ATP6V0A4: variants seen among roughly 807,000 people sequenced by gnomAD.
ATP6V0A4 encodes ATPase H+ transporting V0 subunit a4.
Under a neutral mutation model 107.3 loss-of-function variants are expected in ATP6V0A4, and 86 were observed. The ratio of observed to expected loss-of-function variants is 0.80; its 90% CI spans 0.67 to 0.96. The LOEUF (loss-of-function observed/expected upper bound fraction) is 0.96, where lower values mean the gene tolerates loss of function less well. Ranked by LOEUF, ATP6V0A4 falls within the 40% of genes least tolerant of loss-of-function variation. ATP6V0A4 has a pLI of 0.00. For missense variants in ATP6V0A4, 908 were observed against 1,045.6 expected (o/e 0.87, Z 1.81); for synonymous variants, 353 against 381.4 (o/e 0.93, Z 0.87).
chr7:138,717,242 TGGA>T (rs1206392330), intron 19 of ATP6V0A4, among the ~76,000 whole-genome samples: 2 of 152,048 alleles, frequency 1.3e-5, no homozygotes, highest in Admixed American at 6.5e-5. Context: ...TGCAGGAGGA[TGGA>T]GGAGATCAAC....
intron 11 of ATP6V0A4, among the ~76,000 whole-genome samples, chr7:138,752,230 C>A (rs1255232335): frequency 6.6e-6 from 1 of 151,968 alleles, no homozygotes; most frequent in African/African-American, 2.4e-5. Context: ...ATTTGCTGGA[C>A]GTGGTAGGGC....
chr7:138,732,844 A>G, intron 17 of ATP6V0A4, 33 bp downstream of exon 17: 1 of 1,486,062 alleles, frequency 6.7e-7, no homozygotes, highest in South Asian at 1.3e-5. Flanking sequence ...AGTAAATAAA[A>G]GAAGAGTAAA....
chr7:138,793,329 G>C (rs928211211), intron 1 of ATP6V0A4, among the ~76,000 whole-genome samples: 2 of 152,076 alleles, frequency 1.3e-5, no homozygotes, highest in African/African-American at 2.4e-5. Flanking sequence ...ATTACACAAT[G>C]ATTTTTTAAA....
intron 12 of ATP6V0A4, among the ~76,000 whole-genome samples, chr7:138,748,563 T>C (rs758554268): frequency 1.3e-5 from 2 of 152,048 alleles, no homozygotes; most frequent in Non-Finnish European, 2.9e-5. Flanking sequence ...CCTGCCACCA[T>C]GCCCTACTAA....
At chr7:138,772,653 A>T (rs992328910) in intron 2 of ATP6V0A4, among the ~76,000 whole-genome samples, 2 of 152,220 alleles carry the variant, frequency 1.3e-5, no homozygotes, top group Admixed American at 6.5e-5. Context: ...GCATGTCCAA[A>T]GTTTAACTGT....
At position 138,768,883 on chromosome 7, in the gene ATP6V0A4, T is replaced by C; in HGVS notation, c.197-9A>G. ...CTCGTCTTCCAGAAAACCTGAAGAA[T>C]GAAAACCCACCAGAAACCCCAAGGT... On this transcript the variant is annotated splice_polypyrimidine_tract_variant and intron_variant, in intron 4 of 21. Coordinates refer to ENST00000310018, the MANE Select transcript of ATP6V0A4 (RefSeq NM_020632.3). 1.2e-6 allele frequency: 2 copies of C among 1,614,032 alleles called. No homozygotes were observed. Among genetic ancestry groups the C allele is most frequent in the Non-Finnish European group, 1.7e-6 (2 of 1,179,996 alleles).
chr7:138,762,097 G>T lies in ATP6V0A4; in HGVS notation c.512+243C>A, dbSNP rs113137319. Among the ~76,000 whole-genome samples the T allele has an allele frequency of 4.6e-5, 7 of 152,202 alleles. 1 individual carries two copies. The highest frequency in any genetic ancestry group is 1.7e-4 in the African/African-American group (7 of 41,542). Reference sequence around the variant, plus strand: ...ATGATCCCCACAGCTTCCAATGGGGGAGCAATATAAACATTGCAGTCTTCA... The same window carrying T: ...ATGATCCCCACAGCTTCCAATGGGGTAGCAATATAAACATTGCAGTCTTCA... On this transcript the variant is annotated intron_variant, in intron 7 of 21. Coordinates refer to ENST00000310018, the MANE Select transcript of ATP6V0A4 (RefSeq NM_020632.3).
At chr7:138,757,168 G>A (rs1401948329) in intron 8 of ATP6V0A4, among the ~76,000 whole-genome samples, 2 of 152,310 alleles carry the variant, frequency 1.3e-5, no homozygotes, top group East Asian at 3.9e-4. Flanking sequence ...AGAAATATGA[G>A]CTGAAACAAT....
At chr7:138,720,064 C>A (rs1804355336) in intron 19 of ATP6V0A4, among the ~76,000 whole-genome samples, 1 of 151,780 alleles carries the variant, frequency 6.6e-6, no homozygotes, top group South Asian at 2.1e-4. Context: ...ATAGCACTTT[C>A]CGGAGTTCTG....
chr7:138,777,609 C>T (rs1807718764), intron 2 of ATP6V0A4, among the ~76,000 whole-genome samples: 1 of 88,218 alleles, frequency 1.1e-5, no homozygotes, highest in African/African-American at 4.6e-5. Context: ...GAGGGAAACT[C>T]CGTCTCAAAA....
At chr7:138,730,698 C>A (rs1321902144) in intron 17 of ATP6V0A4, among the ~76,000 whole-genome samples, 1 of 152,036 alleles carries the variant, frequency 6.6e-6, no homozygotes, top group African/African-American at 2.4e-5. Context: ...GAGTTCTCTG[C>A]CTTAAAACAG....
intron 18 of ATP6V0A4, among the ~76,000 whole-genome samples, chr7:138,724,189 C>CAAA (rs3080498): frequency 0.12 from 11,399 of 92,344 alleles, 624 homozygotes; most frequent in African/African-American, 0.16. Context: ...GACTCTGCCT[C>CAAA]AAAAAAAAAA....
At chr7:138,753,183 T>C (rs1466275592) in intron 10 of ATP6V0A4, among the ~76,000 whole-genome samples, 1 of 152,180 alleles carries the variant, frequency 6.6e-6, no homozygotes, top group Non-Finnish European at 1.5e-5. Flanking sequence ...GAAGAGGTCA[T>C]ACTGGATTTG....
intron 20 of ATP6V0A4, among the ~76,000 whole-genome samples, chr7:138,713,908 C>G (rs756981411): frequency 6.6e-6 from 1 of 150,508 alleles, no homozygotes; most frequent in Non-Finnish European, 1.5e-5. Flanking sequence ...CAAGACAAGC[C>G]TGGGCAACAT....
intron 13 of ATP6V0A4, among the ~76,000 whole-genome samples, chr7:138,745,869 G>A (rs35959952): frequency 0.48 from 62,599 of 131,134 alleles, 16,541 homozygotes; most frequent in East Asian, 0.8. Flanking sequence ...ACTTGAACCC[G>A]GGAGGCGGAG....
chr7:138,757,902 G>A (rs933350592), intron 8 of ATP6V0A4, among the ~76,000 whole-genome samples: 8 of 152,084 alleles, frequency 5.3e-5, no homozygotes, highest in Non-Finnish European at 8.8e-5. Context: ...ATTTCCTTAC[G>A]GGAGCAAGTG....
At position 138,792,090 on chromosome 7, in the gene ATP6V0A4, C is replaced by T. The variant is rs370924620; in HGVS notation, c.-120-5830G>A. Among the ~76,000 whole-genome samples the T allele has an allele frequency of 8.5e-5, 13 of 152,226 alleles. No homozygotes were observed. The East Asian group carries it at 1.2e-3, about 14-fold the overall frequency. On this transcript the variant is annotated intron_variant, in intron 1 of 21. Coordinates refer to ENST00000310018, the MANE Select transcript of ATP6V0A4 (RefSeq NM_020632.3). ...TTGGGAGGCCGAGGTGGGCAGATCACGAGGTCAGGAGATCGAGACCATCCT... is the reference window on the plus strand; with the variant it reads ...TTGGGAGGCCGAGGTGGGCAGATCATGAGGTCAGGAGATCGAGACCATCCT...
Position 138,709,609 on chromosome 7 carries a change from G to A in ATP6V0A4, c.2429+15C>T, listed in dbSNP as rs375581031. 4 of 1,610,978 alleles carry A rather than the reference G, an allele frequency of 2.5e-6. No homozygotes were observed. The highest frequency in any genetic ancestry group is 2.2e-5 in the East Asian group (1 of 44,788). ...CCAACACCACATTGAGCTTCCAGGG[G>A]ACAACCATCCTTACCAGTGCAGTCG... On this transcript the variant is annotated intron_variant, in intron 21 of 21. Transcript: ENST00000310018.
Position 138,732,592 on chromosome 7 carries a change from G to A in ATP6V0A4, c.1908+285C>T, listed in dbSNP as rs3778694. 0.41 allele frequency among the ~76,000 whole-genome samples: 62,462 copies of A among 151,810 alleles called. 14,474 individuals are homozygous for A. Among genetic ancestry groups the A allele is most frequent in the East Asian group, 0.61 (3,149 of 5,146 alleles). On this transcript the variant is annotated intron_variant, in intron 17 of 21. Coordinates refer to ENST00000310018, the MANE Select transcript of ATP6V0A4 (RefSeq NM_020632.3). Reference sequence around the variant, plus strand: ...GTAGATTGCTTGAGGTCATGAGTTCGAGAGCAGCCTGGCCAACATGGTGAA... The same window carrying A: ...GTAGATTGCTTGAGGTCATGAGTTCAAGAGCAGCCTGGCCAACATGGTGAA...
Sources: allele counts gnomAD v4.1 joint callset (sites outside exome capture counted in the v4.1 genomes callset), GRCh38; gene constraint gnomAD v4.1.1; transcripts MANE v1.5; gene names NCBI Gene and HGNC (gene_info 2026-07-23, HGNC 2026-07-21).